Variants in XPO7 observed in about 807,000 individuals in gnomAD.
The protein encoded by XPO7 is exportin-7.
In XPO7, 21 loss-of-function variants were observed where a neutral mutation model predicts 144.3. That is an observed-to-expected ratio of 0.15 (90% CI 0.10 to 0.21). XPO7 has a LOEUF of 0.21. Ranked by LOEUF, XPO7 falls within the 10% of genes least tolerant of loss-of-function variation. XPO7 has a pLI of 1.00. For synonymous variants in XPO7, 580 were observed against 499.6 expected (o/e 1.16, Z -2.15); for missense variants, 808 against 1,325.8 (o/e 0.61, Z 6.06).
At chr8:21,953,126 T>C (rs1811426782) in intron 1 of XPO7, among the ~76,000 whole-genome samples, 1 of 151,300 alleles carries the variant, frequency 6.6e-6, no homozygotes, top group Admixed American at 6.6e-5. Flanking sequence ...AAGGTCACTC[T>C]TAGTGTTGTG....
chr8:21,955,182 G>A (rs928939462), intron 1 of XPO7, among the ~76,000 whole-genome samples: 5 of 152,012 alleles, frequency 3.3e-5, no homozygotes, highest in Non-Finnish European at 7.4e-5. Flanking sequence ...AGTGGAGTAC[G>A]TTGTTTTGGT....
rs186039367 is a variant in XPO7 at position 21,970,108 on chromosome 8, T to C, written c.260-36T>C. 7.5e-6 allele frequency: 12 copies of C among 1,593,534 alleles called. No homozygotes were observed. In the East Asian group the frequency reaches 1.1e-4, roughly 15 times the overall value. On this transcript the variant is annotated intron_variant, in intron 3 of 27. Coordinates refer to ENST00000252512, the MANE Select transcript of XPO7 (RefSeq NM_015024.5). ...CCTTCTCTGGCAGAGCTTTCTATTA[T>C]GTGGATTGGTTTTGTTTCTTGTTTT...
chr8:21,925,366 A>G (rs1810426523), intron 1 of XPO7, among the ~76,000 whole-genome samples: 1 of 152,254 alleles, frequency 6.6e-6, no homozygotes, highest in South Asian at 2.1e-4. Context: ...AGAAGGCAGA[A>G]TTGGAAACTT....
chr8:21,986,328 A>G (rs1278345428), intron 13 of XPO7, among the ~76,000 whole-genome samples: 3 of 151,874 alleles, frequency 2.0e-5, no homozygotes, highest in Non-Finnish European at 4.4e-5. Context: ...TAATTTTTGT[A>G]TTTTTAGTGA....
intron 1 of XPO7, 40 bp from the exon 2 acceptor site, chr8:21,966,817 G>T (rs1419919897): frequency 6.4e-7 from 1 of 1,574,362 alleles, no homozygotes; most frequent in South Asian, 1.2e-5. Flanking sequence ...TACATTTGTA[G>T]TAGGCTGAAC....
At chr8:22,004,933 A>G in intron 27 of XPO7, 62 bp from the exon 28 acceptor site, 1 of 854,832 alleles carries the variant, frequency 1.2e-6, no homozygotes, top group Non-Finnish European at 1.7e-6. Context: ...AAAAAAAAAA[A>G]AAAAGGCAAA....
intron 16 of XPO7, among the ~76,000 whole-genome samples, chr8:21,989,821 CTTTTTTTTTTTTTTTTTTTTTTTTTTTT>C (rs1170364778): frequency 0.35 from 20,902 of 59,660 alleles, 3,773 homozygotes; most frequent in African/African-American, 0.53. Flanking sequence ...TAGGTGTTTC[CTTTTTTTTTTTTTTTTTTTTTTTTTTTT>C]TTTTTTTTTT....
chr8:21,981,817 G>A lies in XPO7; in HGVS notation c.1044G>A (p.Lys348=). ...KSNYQLGELV[K]VENYPEVIRL... is the part of the protein sequence containing the mutation. ...ACTATCAACTGGGAGAATTGGTAAA[G>A]GTGGAAAACTACCCTGAGGTCATCC... The change falls in exon 10 of 28, where the codon AAG becomes AAA. Residue 348 remains lysine (K), a synonymous_variant. Coordinates refer to ENST00000252512, the MANE Select transcript of XPO7 (RefSeq NM_015024.5). The A allele has an allele frequency of 6.2e-7, 1 of 1,614,000 alleles. No individual in the cohort carries two copies. The highest frequency in any genetic ancestry group is 8.5e-7 in the Non-Finnish European group (1 of 1,179,872).
At chr8:21,932,125 C>T (rs1436885948) in intron 1 of XPO7, among the ~76,000 whole-genome samples, 2 of 152,178 alleles carry the variant, frequency 1.3e-5, no homozygotes, top group African/African-American at 4.8e-5. Context: ...CCGCACGCCT[C>T]CCAAAGTGCT....
intron 5 of XPO7, among the ~76,000 whole-genome samples, chr8:21,974,287 C>T (rs1434481930): frequency 6.6e-6 from 1 of 152,002 alleles, no homozygotes; most frequent in African/African-American, 2.4e-5. Flanking sequence ...CCTCAACCTC[C>T]CAAAGTTCTA....
At chr8:21,988,978 T>C in intron 15 of XPO7, 25 bp from the exon 16 acceptor site, 4 of 1,442,420 alleles carry the variant, frequency 2.8e-6, no homozygotes, top group Non-Finnish European at 2.8e-6. Flanking sequence ...GGTCTCCTGC[T>C]TTTTTTTTTC....
At chr8:21,927,670 C>G (rs903771420) in intron 1 of XPO7, among the ~76,000 whole-genome samples, 1 of 151,912 alleles carries the variant, frequency 6.6e-6, no homozygotes, top group Admixed American at 6.6e-5. Context: ...CTCAGCCTCC[C>G]AAGTAGCTGG....
intron 1 of XPO7, among the ~76,000 whole-genome samples, chr8:21,945,989 A>T (rs1690616714): frequency 6.6e-6 from 1 of 152,200 alleles, no homozygotes; most frequent in Non-Finnish European, 1.5e-5. Flanking sequence ...AGACTTCAGG[A>T]TCCTAGAAAG....
Position 22,005,183 on chromosome 8 carries a change from C to T in XPO7, c.*95C>T. The T allele has an allele frequency of 9.4e-7, 1 of 1,058,992 alleles. No individual in the cohort carries two copies. The highest frequency in any genetic ancestry group is 1.8e-5 in the South Asian group (1 of 56,938). 65.6% of individuals were successfully genotyped at this position (1,058,992 alleles called of 1,614,324 possible). On this transcript the variant is annotated 3_prime_UTR_variant, in exon 28 of 28. Coordinates refer to ENST00000252512, the MANE Select transcript of XPO7 (RefSeq NM_015024.5). Reference sequence around the variant, plus strand: ...AGGGAGAGGGCCTGGCTGATCCTGGCTCTTTTCTCCAGGGGTGTGGGGAAA... The same window carrying T: ...AGGGAGAGGGCCTGGCTGATCCTGGTTCTTTTCTCCAGGGGTGTGGGGAAA...
chr8:21,969,544 A>G lies in XPO7; in HGVS notation c.227A>G (p.Asn76Ser). 2 of 1,613,546 alleles carry G rather than the reference A, an allele frequency of 1.2e-6. No homozygotes were observed. Among genetic ancestry groups the G allele is most frequent in the Non-Finnish European group, 1.7e-6 (2 of 1,179,722 alleles). ...ACCAAGCTTGTATCACGCACAAACAACCCCCTACCATTGGAACAGCGAATA... is the reference window on the plus strand; with the variant it reads ...ACCAAGCTTGTATCACGCACAAACAGCCCCCTACCATTGGAACAGCGAATA... ...CLTKLVSRTN[N>S]PLPLEQRIDI... is the part of the protein sequence containing the mutation. The change falls in exon 3 of 28, where the codon AAC becomes AGC. Residue 76 changes from asparagine to serine, a missense_variant. By Grantham distance (46) the Asn-to-Ser change is conservative. Transcript: ENST00000252512.
chr8:21,998,984 C>T (rs576267250), intron 22 of XPO7, 107 bp from the exon 23 acceptor site: 14 of 1,472,054 alleles, frequency 9.5e-6, no homozygotes, highest in Non-Finnish European at 1.3e-5. Context: ...AGAGTGCCAC[C>T]TGTCACCAGG....
chr8:22,002,325 A>T, intron 25 of XPO7, 53 bp downstream of exon 25: 1 of 1,580,366 alleles, frequency 6.3e-7, no homozygotes, highest in Non-Finnish European at 8.6e-7. Flanking sequence ...CAGAGGAAGG[A>T]CCTCTGCAAG....
chr8:21,985,758 C>T, intron 13 of XPO7, 67 bp downstream of exon 13: 1 of 1,385,366 alleles, frequency 7.2e-7, no homozygotes, highest in Non-Finnish European at 1.0e-6. Flanking sequence ...CGATAGGGTC[C>T]TCTCCACTTA....
At chr8:21,954,232 A>G (rs1046878432) in intron 1 of XPO7, among the ~76,000 whole-genome samples, 3 of 152,198 alleles carry the variant, frequency 2.0e-5, no homozygotes, top group African/African-American at 4.8e-5. Flanking sequence ...TTGCTCTACT[A>G]TATATAACGC....
Sources: allele counts gnomAD v4.1 joint callset (sites outside exome capture counted in the v4.1 genomes callset), GRCh38; gene constraint gnomAD v4.1.1; transcripts MANE v1.5; gene names NCBI Gene and HGNC (gene_info 2026-07-23, HGNC 2026-07-21).